ERC2: variants seen among roughly 807,000 people sequenced by gnomAD.
ERC2 encodes ERC protein 2.
Under a neutral mutation model 114.8 loss-of-function variants are expected in ERC2, and 42 were observed. That is an observed-to-expected ratio of 0.37 (90% CI 0.29 to 0.47). The LOEUF is 0.47. ERC2 is among the 20% of genes least tolerant of loss of function. The pLI is 0.99. For missense variants in ERC2, 939 were observed against 1,150.7 expected (o/e 0.82, Z 2.66); for synonymous variants, 454 against 425.5 (o/e 1.07, Z -0.82).
At chr3:55,540,218 G>A (rs1278228925) in intron 17 of ERC2, among the ~76,000 whole-genome samples, 1 of 152,176 alleles carries the variant, frequency 6.6e-6, no homozygotes, top group Non-Finnish European at 1.5e-5. Flanking sequence ...ATCAGGATAA[G>A]TCAATGTGCC....
chr3:55,928,360 A>T (rs780094267), intron 13 of ERC2, among the ~76,000 whole-genome samples: 7 of 152,198 alleles, frequency 4.6e-5, no homozygotes, highest in Non-Finnish European at 8.8e-5. Flanking sequence ...TCTGATGATC[A>T]ATAATGTTGA....
chr3:56,160,855 A>G (rs2082005691), intron 4 of ERC2, among the ~76,000 whole-genome samples: 1 of 152,142 alleles, frequency 6.6e-6, no homozygotes, highest in African/African-American at 2.4e-5. Flanking sequence ...TTTTATACCA[A>G]TACTATGCTG....
chr3:55,607,622 T>G (rs1472382352), intron 17 of ERC2, among the ~76,000 whole-genome samples: 1 of 150,746 alleles, frequency 6.6e-6, no homozygotes, highest in Non-Finnish European at 1.5e-5. Context: ...GTGTTTTTTT[T>G]TTTTTTTTCT....
intron 12 of ERC2, among the ~76,000 whole-genome samples, 163 bp from the exon 13 acceptor site, chr3:55,950,723 G>A (rs558097842): frequency 2.7e-4 from 41 of 152,228 alleles, no homozygotes; most frequent in Non-Finnish European, 4.3e-4. Context: ...TATGTATTGA[G>A]CATCCACTTA....
chr3:56,069,243 T>G (rs926345321), intron 7 of ERC2, among the ~76,000 whole-genome samples: 1 of 152,226 alleles, frequency 6.6e-6, no homozygotes, highest in African/African-American at 2.4e-5. Context: ...GCCACTTTAG[T>G]GGACCAGCAG....
In ERC2 at chr3:56,157,329, G is replaced by A. The variant is rs538442219; in HGVS notation, c.1150-8197C>T. 5.9e-5 allele frequency among the ~76,000 whole-genome samples: 9 copies of A among 152,278 alleles called. No individual in the cohort carries two copies. The East Asian group carries it at 1.7e-3, about 29-fold the overall frequency. ...AAAGAGGCTGGGGAGAGAGGAAAGG[G>A]AGGAAAAAATTTTCAGCAACTGCTT... On this transcript the variant is annotated intron_variant, in intron 4 of 17. Coordinates refer to ENST00000288221, the MANE Select transcript of ERC2 (RefSeq NM_015576.3).
At position 55,551,373 on chromosome 3, in the gene ERC2, A is replaced by G. The variant is rs6794296; in HGVS notation, c.*40-40097T>C. On this transcript the variant is annotated intron_variant, in intron 17 of 17. Transcript: ENST00000288221. ...CCGCGTCTCTACTGAAAATACAAAA[A>G]CTAGCCAGGCGTGGTTGTGGGTGCC... Among the ~76,000 whole-genome samples the G allele has an allele frequency of 5.0e-3, 762 of 151,740 alleles. 3 individuals carry two copies. Among genetic ancestry groups the G allele is most frequent in the African/African-American group, 0.017 (699 of 41,376 alleles).
chr3:55,709,781 G>A (rs1396348485), intron 15 of ERC2, among the ~76,000 whole-genome samples: 1 of 152,158 alleles, frequency 6.6e-6, no homozygotes, highest in South Asian at 2.1e-4. Flanking sequence ...ATGTGGTGGG[G>A]CTGTGTTGGC....
chr3:56,076,801 T>G (rs1212073182), intron 7 of ERC2, among the ~76,000 whole-genome samples: 1 of 152,154 alleles, frequency 6.6e-6, no homozygotes, highest in African/African-American at 2.4e-5. Flanking sequence ...TAGAGCATCA[T>G]GTCCATGCCT....
At chr3:56,042,625 G>T (rs138421620) in intron 7 of ERC2, among the ~76,000 whole-genome samples, 1 of 151,920 alleles carries the variant, frequency 6.6e-6, no homozygotes, top group South Asian at 2.1e-4. Context: ...AAATAAGACC[G>T]CTCCCCAAAG....
intron 13 of ERC2, among the ~76,000 whole-genome samples, chr3:55,891,633 G>A (rs2063609041): frequency 6.6e-6 from 1 of 151,774 alleles, no homozygotes. Flanking sequence ...TTTTAGTAGA[G>A]ACGGGGTTTC....
chr3:55,829,287 T>C (rs1218682066), intron 14 of ERC2, among the ~76,000 whole-genome samples: 1 of 152,134 alleles, frequency 6.6e-6, no homozygotes, highest in Non-Finnish European at 1.5e-5. Flanking sequence ...GCTCCTAAGA[T>C]AAAGATTGAT....
intron 10 of ERC2, among the ~76,000 whole-genome samples, chr3:56,000,312 T>A (rs776476569): frequency 6.6e-6 from 1 of 151,962 alleles, no homozygotes; most frequent in Middle Eastern, 3.2e-3. Flanking sequence ...ATAAAGGTAG[T>A]GAGGAAAGCC....
intron 3 of ERC2, among the ~76,000 whole-genome samples, chr3:56,178,773 G>A (rs1043369767): frequency 6.6e-6 from 1 of 151,920 alleles, no homozygotes; most frequent in Admixed American, 6.6e-5. Context: ...CCAGATTCCA[G>A]TGGAGGAAAA....
intron 17 of ERC2, chr3:55,606,761 G>A (rs1033846159): frequency 6.6e-6 from 1 of 152,350 alleles, no homozygotes; most frequent in African/African-American, 2.4e-5. Context: ...CTCCAAAAGG[G>A]TAAAAGTAAA....
At chr3:55,818,834 A>C (rs1242830554) in intron 14 of ERC2, among the ~76,000 whole-genome samples, 1 of 152,268 alleles carries the variant, frequency 6.6e-6, no homozygotes, top group Non-Finnish European at 1.5e-5. Context: ...CTTCTAATGG[A>C]TTCAGAGAAG....
chr3:55,683,366 C>T (rs1031641226), intron 17 of ERC2, among the ~76,000 whole-genome samples: 3 of 152,162 alleles, frequency 2.0e-5, no homozygotes, highest in Admixed American at 6.5e-5. Flanking sequence ...CCTTGCCAAA[C>T]ATTTGACACA....
intron 14 of ERC2, among the ~76,000 whole-genome samples, chr3:55,772,402 C>T (rs1280604489): frequency 1.3e-5 from 2 of 152,250 alleles, no homozygotes; most frequent in South Asian, 4.1e-4. Context: ...GCAAGCTCCG[C>T]CTCCCGGGTT....
At chr3:55,584,930 A>C (rs2057518701) in intron 17 of ERC2, among the ~76,000 whole-genome samples, 1 of 152,196 alleles carries the variant, frequency 6.6e-6, no homozygotes, top group Non-Finnish European at 1.5e-5. Flanking sequence ...TCAATGGACA[A>C]CGAGAACCAG....
Sources: gnomAD v4.1 joint callset for allele counts (sites outside exome capture counted in the v4.1 genomes callset) on GRCh38, gnomAD v4.1.1 for gene constraint, MANE v1.5 for transcripts, NCBI Gene and HGNC (gene_info 2026-07-23, HGNC 2026-07-21) for gene names.